The following ITGA4 variants were observed in gnomAD, a reference collection of about 807,000 sequenced individuals.
ITGA4 encodes the protein integrin alpha-4.
In ITGA4, 63 loss-of-function variants were observed where a neutral mutation model predicts 133.6. That is an observed-to-expected ratio of 0.47 (90% CI 0.38 to 0.58). ITGA4 has a LOEUF of 0.58. Among genes scored for constraint, ITGA4 ranks in the 20% least tolerant of loss-of-function variants. The pLI is 0.00. For synonymous variants in ITGA4, 483 were observed against 438.0 expected, an observed-to-expected ratio of 1.10 and a Z score of -1.28; for missense variants, 1,076 against 1,252.7, an observed-to-expected ratio of 0.86 and a Z score of 2.13.
rs149128921 is a variant in ITGA4, at chr2:181,519,017, T to A, written c.1923-3174T>A. ...TATCTAGCCTACAGAATTACGTGTG[T>A]ATGTTGACCAAAAAACTATAATAGT... On this transcript the variant is annotated intron_variant, in intron 17 of 27. Transcript: ENST00000397033. 3.3e-5 allele frequency among the ~76,000 whole-genome samples: 5 copies of A among 151,998 alleles called. No individual in the cohort carries two copies. The South Asian group carries it at 1.0e-3, about 31-fold the overall frequency.
chr2:181,504,803 T>A (rs1044991654), intron 15 of ITGA4, among the ~76,000 whole-genome samples: 4 of 152,020 alleles, frequency 2.6e-5, no homozygotes, highest in Non-Finnish European at 2.9e-5. Flanking sequence ...AAGAAAAATC[T>A]GAGAATGTTC....
chr2:181,465,029 A>G (rs1685378767), intron 2 of ITGA4, among the ~76,000 whole-genome samples: 1 of 152,136 alleles, frequency 6.6e-6, no homozygotes, highest in Admixed American at 6.6e-5. Context: ...ACTTAGTTCT[A>G]AAAACCCCTT....
In ITGA4 at chr2:181,511,563, GATAAA is replaced by G. The variant is rs1207705704; in HGVS notation, c.1846-130_1846-126del. 2.5e-5 allele frequency: 14 copies of G among 551,116 alleles called. 1 individual carries two copies. Among genetic ancestry groups the G allele is most frequent in the South Asian group, 1.7e-4 (6 of 35,420 alleles). 34.1% of individuals were successfully genotyped at this position (551,116 alleles called of 1,614,324 possible). ...TTCTCAAATTGAACTTTTTAAAAGA[GATAAA>G]ATAAAGAGTTGTCAATTTGATGTAT... On this transcript the variant is annotated intron_variant, in intron 16 of 27. Coordinates refer to ENST00000397033, the MANE Select transcript of ITGA4 (RefSeq NM_000885.6).
intron 17 of ITGA4, among the ~76,000 whole-genome samples, chr2:181,512,862 A>G (rs1299593186): frequency 6.6e-6 from 1 of 152,072 alleles, no homozygotes; most frequent in Non-Finnish European, 1.5e-5. Context: ...CAAGTGAGGT[A>G]TTTTTATGTA....
intron 15 of ITGA4, among the ~76,000 whole-genome samples, chr2:181,501,941 G>A (rs780614463): frequency 2.6e-5 from 4 of 152,066 alleles, no homozygotes; most frequent in Non-Finnish European, 5.9e-5. Flanking sequence ...ATTTAAAGCC[G>A]TATTAAGATG....
Position 181,538,698 on chromosome 2 carries a change from ATGAG to A in ITGA4, c.*3176_*3179del, listed in dbSNP as rs1252590567. 1.3e-5 allele frequency among the ~76,000 whole-genome samples: 2 copies of A among 152,172 alleles called. No individual in the cohort carries two copies. The highest frequency in any genetic ancestry group is 4.8e-5 in the African/African-American group (2 of 41,446). ...CTGAACAAAACATGTTACAGTAATT[ATGAG>A]TGAGAGGAAACTAAGATGGAAGGAT... On this transcript the variant is annotated 3_prime_UTR_variant, in exon 28 of 28. Coordinates refer to ENST00000397033, the MANE Select transcript of ITGA4 (RefSeq NM_000885.6).
chr2:181,502,083 C>A (rs1196294916), intron 15 of ITGA4, among the ~76,000 whole-genome samples: 2 of 151,750 alleles, frequency 1.3e-5, no homozygotes, highest in South Asian at 2.1e-4. Context: ...AGTGTGGCAT[C>A]CTGGAAGTGA....
At chr2:181,478,930 TTCA>T (rs1308082778) in intron 5 of ITGA4, 106 bp downstream of exon 5, 4 of 520,616 alleles carry the variant, frequency 7.7e-6, no homozygotes, top group East Asian at 3.3e-5. Context: ...GTGTAACATC[TTCA>T]TCATGTCTCT....
intron 2 of ITGA4, among the ~76,000 whole-genome samples, chr2:181,460,956 A>T (rs1410484907): frequency 2.0e-5 from 3 of 152,040 alleles, no homozygotes; most frequent in African/African-American, 7.3e-5. Flanking sequence ...TTCCTTTGGA[A>T]TAGCTTTACT....
At chr2:181,481,217 CA>C (rs1482114474) in intron 6 of ITGA4, among the ~76,000 whole-genome samples, 2 of 151,810 alleles carry the variant, frequency 1.3e-5, no homozygotes, top group Admixed American at 6.6e-5. Context: ...GATTTGGTGG[CA>C]AAAAAAGTTG....
At chr2:181,531,569 G>C (rs1337406090) in intron 24 of ITGA4, 88 bp from the exon 25 acceptor site, 8 of 570,770 alleles carry the variant, frequency 1.4e-5, no homozygotes, top group Non-Finnish European at 2.2e-5. Context: ...AATGCCATTA[G>C]AGTATATATT....
chr2:181,464,657 T>C (rs955430592), intron 2 of ITGA4, among the ~76,000 whole-genome samples: 1 of 152,052 alleles, frequency 6.6e-6, no homozygotes. Context: ...TGAAATAATT[T>C]TCATCTTTTT....
intron 17 of ITGA4, among the ~76,000 whole-genome samples, chr2:181,517,004 T>G (rs1319919165): frequency 6.6e-6 from 1 of 152,126 alleles, no homozygotes; most frequent in East Asian, 1.9e-4. Context: ...TTTTCTGCTG[T>G]TCTTCCCTTA....
At chr2:181,474,225 T>C (rs892834098) in intron 2 of ITGA4, among the ~76,000 whole-genome samples, 1 of 152,228 alleles carries the variant, frequency 6.6e-6, no homozygotes, top group African/African-American at 2.4e-5. Flanking sequence ...TAATGATCAC[T>C]GTGAAGACCA....
chr2:181,538,360 C>T lies in ITGA4; in HGVS notation c.*2833C>T. 1 of 647,046 alleles carries T rather than the reference C, an allele frequency of 1.5e-6. No individual in the cohort carries two copies. Among genetic ancestry groups the T allele is most frequent in the Non-Finnish European group, 2.8e-6 (1 of 354,884 alleles). 40.1% of individuals were successfully genotyped at this position (647,046 alleles called of 1,614,324 possible). On this transcript the variant is annotated 3_prime_UTR_variant, in exon 28 of 28. Coordinates refer to ENST00000397033, the MANE Select transcript of ITGA4 (RefSeq NM_000885.6). Reference sequence around the variant, plus strand: ...AAATTGATAACAAACACAGCATTCCCAACAGAGCTGTAATCTAGAAAACTG... The same window carrying T: ...AAATTGATAACAAACACAGCATTCCTAACAGAGCTGTAATCTAGAAAACTG...
chr2:181,509,001 G>C (rs1259361147), intron 15 of ITGA4, among the ~76,000 whole-genome samples: 1 of 151,584 alleles, frequency 6.6e-6, no homozygotes, highest in African/African-American at 2.4e-5. Flanking sequence ...AATGGGCTGG[G>C]CATGGTGGTA....
chr2:181,461,945 GAAAC>G (rs1454833067), intron 2 of ITGA4, among the ~76,000 whole-genome samples: 1 of 152,110 alleles, frequency 6.6e-6, no homozygotes, highest in African/African-American at 2.4e-5. Flanking sequence ...GATATATATT[GAAAC>G]AAACACTTTA....
At chr2:181,532,368 T>G (rs1303462662) in intron 25 of ITGA4, among the ~76,000 whole-genome samples, 2 of 152,198 alleles carry the variant, frequency 1.3e-5, no homozygotes, top group Non-Finnish European at 2.9e-5. Context: ...TTCACGATAT[T>G]GATTCTTCCT....
At position 181,524,188 on chromosome 2, in the gene ITGA4, C is replaced by T; in HGVS notation, c.2187C>T (p.Leu729=). 1.6e-5 allele frequency: 25 copies of T among 1,603,786 alleles called. No individual in the cohort carries two copies. Among genetic ancestry groups the T allele is most frequent in the Non-Finnish European group, 2.1e-5 (25 of 1,174,832 alleles). ...DHLSRIDISF[L]LDVSSLSRAE... ...TTTTACAGATAGATATTAGCTTTCT[C>T]CTGGATGTGAGCTCACTCAGCAGAG... is the stretch of plus-strand genomic sequence containing the variant. Residue 729 remains leucine (L), a synonymous_variant, in exon 20 of 28, where the codon CTC becomes CTT. Coordinates refer to ENST00000397033, the MANE Select transcript of ITGA4 (RefSeq NM_000885.6).
Sources: gnomAD v4.1 joint callset for allele counts (sites outside exome capture counted in the v4.1 genomes callset) on GRCh38, gnomAD v4.1.1 for gene constraint, MANE v1.5 for transcripts, NCBI Gene and HGNC (gene_info 2026-07-23, HGNC 2026-07-21) for gene names.